POU6F2: variants seen among roughly 807,000 people sequenced by gnomAD.
POU6F2 encodes POU domain, class 6, transcription factor 2.
Under a neutral mutation model 71.3 loss-of-function variants are expected in POU6F2, and 31 were observed. That is an observed-to-expected ratio of 0.43 (90% CI 0.33 to 0.59). The LOEUF (loss-of-function observed/expected upper bound fraction) is 0.59, where lower values mean the gene tolerates loss of function less well. Among genes scored for constraint, POU6F2 ranks in the 20% least tolerant of loss-of-function variants. The pLI is 0.04. For synonymous variants in POU6F2, 347 were observed against 355.7 expected (o/e 0.98, Z 0.27); for missense variants, 783 against 856.8 (o/e 0.91, Z 1.07).
chr7:38,990,359 C>T (rs188072189), intron 1 of POU6F2, among the ~76,000 whole-genome samples: 2 of 152,184 alleles, frequency 1.3e-5, no homozygotes, highest in East Asian at 3.9e-4. Context: ...AACATTGTGG[C>T]CCTGGAGATG....
intron 7 of POU6F2, among the ~76,000 whole-genome samples, chr7:39,442,077 C>T (rs1008394666): frequency 3.9e-5 from 6 of 152,178 alleles, no homozygotes; most frequent in African/African-American, 1.4e-4. Flanking sequence ...CAAACCCATT[C>T]TTGGTGGCTC....
chr7:39,382,180 G>A (rs1418065822), intron 5 of POU6F2, among the ~76,000 whole-genome samples: 3 of 152,174 alleles, frequency 2.0e-5, no homozygotes, highest in Admixed American at 6.5e-5. Context: ...CAAAAGCATG[G>A]AAGATTATAA....
At chr7:39,272,703 C>T (rs1032561537) in intron 4 of POU6F2, among the ~76,000 whole-genome samples, 7 of 152,100 alleles carry the variant, frequency 4.6e-5, no homozygotes, top group African/African-American at 1.7e-4. Flanking sequence ...TAATGTGGGA[C>T]TTTTGGATTC....
intron 4 of POU6F2, among the ~76,000 whole-genome samples, chr7:39,304,172 CA>C (rs1406635248): frequency 6.6e-6 from 1 of 151,908 alleles, no homozygotes; most frequent in Non-Finnish European, 1.5e-5. Context: ...AGATAAAAAA[CA>C]AACTGAGAAA....
chr7:39,299,654 T>C (rs2128764336), intron 4 of POU6F2, among the ~76,000 whole-genome samples: 1 of 152,282 alleles, frequency 6.6e-6, no homozygotes, highest in Non-Finnish European at 1.5e-5. Flanking sequence ...GAGAACTAAA[T>C]AAACCGGATT....
At chr7:39,235,848 G>A (rs984803837) in intron 4 of POU6F2, among the ~76,000 whole-genome samples, 11 of 152,184 alleles carry the variant, frequency 7.2e-5, no homozygotes, top group Non-Finnish European at 1.3e-4. Flanking sequence ...CACATGTGGG[G>A]GAAAATGAGC....
At chr7:39,211,324 C>T (rs1187521336) in intron 4 of POU6F2, among the ~76,000 whole-genome samples, 1 of 152,104 alleles carries the variant, frequency 6.6e-6, no homozygotes, top group African/African-American at 2.4e-5. Flanking sequence ...ATTAATGCTC[C>T]CGCTCTCACT....
At chr7:39,065,743 A>G (rs1324129153) in intron 1 of POU6F2, among the ~76,000 whole-genome samples, 2 of 151,678 alleles carry the variant, frequency 1.3e-5, no homozygotes, top group Non-Finnish European at 3.0e-5. Flanking sequence ...AAATTGACCA[A>G]TAAATAAGTA....
intron 2 of POU6F2, among the ~76,000 whole-genome samples, chr7:39,107,383 C>T (rs1220657444): frequency 6.6e-6 from 1 of 152,098 alleles, no homozygotes; most frequent in African/African-American, 2.4e-5. Flanking sequence ...TTAAAAAAGA[C>T]ACCAGTATTA....
intron 5 of POU6F2, among the ~76,000 whole-genome samples, chr7:39,382,869 C>G (rs1433501110): frequency 1.3e-5 from 2 of 152,060 alleles, no homozygotes; most frequent in Admixed American, 1.3e-4. Context: ...GCAGGTCACA[C>G]TATGACTAAT....
At chr7:39,016,567 CA>C (rs1228465850) in intron 1 of POU6F2, among the ~76,000 whole-genome samples, 1 of 151,988 alleles carries the variant, frequency 6.6e-6, no homozygotes, top group African/African-American at 2.4e-5. Context: ...CCCCCGCTTA[CA>C]GTTCAGTAGA....
intron 1 of POU6F2, among the ~76,000 whole-genome samples, chr7:39,080,858 G>T (rs754830414): frequency 6.6e-5 from 10 of 152,090 alleles, no homozygotes; most frequent in Non-Finnish European, 1.3e-4. Context: ...TATAAAATGA[G>T]AATGAATATG....
intron 4 of POU6F2, among the ~76,000 whole-genome samples, chr7:39,237,456 T>A (rs1428052733): frequency 1.3e-5 from 2 of 152,188 alleles, no homozygotes; most frequent in African/African-American, 4.8e-5. Flanking sequence ...TTAGACTAAT[T>A]AGGACCTTTC....
chr7:39,135,815 A>G (rs999133479), intron 2 of POU6F2, among the ~76,000 whole-genome samples: 8 of 152,344 alleles, frequency 5.3e-5, no homozygotes, highest in Middle Eastern at 3.4e-3. Flanking sequence ...AAGAATAACT[A>G]TAGAAAAGGG....
intron 1 of POU6F2, among the ~76,000 whole-genome samples, chr7:39,026,675 C>A (rs1332337326): frequency 6.6e-6 from 1 of 152,040 alleles, no homozygotes. Flanking sequence ...GGGTGCAGCA[C>A]ACCAGCATGG....
At chr7:39,098,877 T>C (rs992301537) in intron 2 of POU6F2, among the ~76,000 whole-genome samples, 1 of 152,208 alleles carries the variant, frequency 6.6e-6, no homozygotes, top group African/African-American at 2.4e-5. Flanking sequence ...CTGATTAATT[T>C]TGGGCAGCAG....
chr7:39,033,390 A>G (rs1286049964), intron 1 of POU6F2, among the ~76,000 whole-genome samples: 1 of 152,232 alleles, frequency 6.6e-6, no homozygotes, highest in Non-Finnish European at 1.5e-5. Context: ...AATCAACATC[A>G]ACACGGAACA....
chr7:39,366,457 G>A (rs1001174250), intron 5 of POU6F2, among the ~76,000 whole-genome samples: 2 of 152,248 alleles, frequency 1.3e-5, no homozygotes, highest in Admixed American at 6.5e-5. Context: ...AATGAGGTGG[G>A]GTGACAAGGA....
chr7:39,117,320 C>A (rs891386333), intron 2 of POU6F2, among the ~76,000 whole-genome samples: 1 of 152,056 alleles, frequency 6.6e-6, no homozygotes, highest in South Asian at 2.1e-4. Flanking sequence ...CTAGGGAAAC[C>A]AAACCAGCTC....
Sources: gnomAD v4.1 joint callset for allele counts (sites outside exome capture counted in the v4.1 genomes callset) on GRCh38, gnomAD v4.1.1 for gene constraint, MANE v1.5 for transcripts, NCBI Gene and HGNC (gene_info 2026-07-23, HGNC 2026-07-21) for gene names.